Variants in MAML2 observed in about 807,000 individuals in gnomAD.
MAML2 encodes the protein mastermind-like protein 2.
MAML2 carries 22 observed loss-of-function variants against 96.1 expected under a neutral mutation model. The ratio of observed to expected loss-of-function variants is 0.23; its 90% CI spans 0.16 to 0.33. The LOEUF is 0.33. Among genes scored for constraint, MAML2 ranks in the 10% least tolerant of loss-of-function variants. The probability of loss-of-function intolerance (pLI) is 1.00; values close to 1 mark genes in which losing one functional copy is unlikely to be tolerated. For missense variants in MAML2, 1,367 were observed against 1,392.4 expected (o/e 0.98, Z 0.29); for synonymous variants, 561 against 521.3 (o/e 1.08, Z -1.04).
chr11:96,190,834 T>C (rs1861642261), intron 1 of MAML2, among the ~76,000 whole-genome samples: 1 of 152,216 alleles, frequency 6.6e-6, no homozygotes, highest in South Asian at 2.1e-4. Flanking sequence ...AAATTTTTAC[T>C]GAGGGCCTAT....
At chr11:96,323,081 T>C (rs1863728432) in intron 1 of MAML2, among the ~76,000 whole-genome samples, 1 of 150,552 alleles carries the variant, frequency 6.6e-6, no homozygotes, top group Admixed American at 6.6e-5. Context: ...ATCATTTATG[T>C]TCTAGCATGA....
At position 96,325,253 on chromosome 11, in the gene MAML2, C is replaced by G. The variant is rs141470823; in HGVS notation, c.513+16130G>C. On this transcript the variant is annotated intron_variant, in intron 1 of 4. Transcript: ENST00000524717. Reference sequence around the variant, plus strand: ...CAGCTTTGTGCCTCCTGCATAGGTCCAGGAGCCCCAGGGGTAGACTGATGC... The same window carrying G: ...CAGCTTTGTGCCTCCTGCATAGGTCGAGGAGCCCCAGGGGTAGACTGATGC... Among the ~76,000 whole-genome samples the G allele has an allele frequency of 5.6e-3, 848 of 152,218 alleles. 10 individuals are homozygous for G. The highest frequency in any genetic ancestry group is 0.02 in the African/African-American group (817 of 41,512).
intron 1 of MAML2, among the ~76,000 whole-genome samples, chr11:96,233,673 T>A (rs1386834417): frequency 6.6e-6 from 1 of 152,144 alleles, no homozygotes; most frequent in Non-Finnish European, 1.5e-5. Flanking sequence ...CCTCCTAAAG[T>A]GCTGGGATTA....
chr11:96,113,303 G>A (rs1388663156), intron 1 of MAML2, among the ~76,000 whole-genome samples: 1 of 152,040 alleles, frequency 6.6e-6, no homozygotes, highest in African/African-American at 2.4e-5. Context: ...TCACTGCCTT[G>A]CATTGTTTTA....
chr11:96,111,258 T>C (rs141139997), intron 1 of MAML2, among the ~76,000 whole-genome samples: 1 of 152,334 alleles, frequency 6.6e-6, no homozygotes, highest in East Asian at 1.9e-4. Flanking sequence ...TGATAGCTAG[T>C]GTCACAGGTG....
intron 1 of MAML2, among the ~76,000 whole-genome samples, chr11:96,156,273 G>GCCTCCT (rs978617181): frequency 6.6e-6 from 1 of 152,074 alleles, no homozygotes; most frequent in Non-Finnish European, 1.5e-5. Context: ...TGCCCAGGCA[G>GCCTCCT]CCTCCTCCTC....
Position 96,342,922 on chromosome 11 carries a change from T to G in MAML2, c.-1027A>C, listed in dbSNP as rs1864020337. The G allele has an allele frequency of 2.7e-6, 1 of 376,106 alleles. No homozygotes were observed. Among genetic ancestry groups the G allele is most frequent in the African/African-American group, 2.1e-5 (1 of 48,196 alleles). 23.3% of individuals were successfully genotyped at this position (376,106 alleles called of 1,614,324 possible). ...GTCAAACTTACAAACTTCCAGCAAA[T>G]TGCACCGAGTCATGTCCAGCCACTT... On this transcript the variant is annotated 5_prime_UTR_variant, in exon 1 of 5. Coordinates refer to ENST00000524717, the MANE Select transcript of MAML2 (RefSeq NM_032427.4).
At chr11:96,176,835 G>A (rs1861394807) in intron 1 of MAML2, among the ~76,000 whole-genome samples, 1 of 152,136 alleles carries the variant, frequency 6.6e-6, no homozygotes, top group Non-Finnish European at 1.5e-5. Flanking sequence ...CTTCAATGTA[G>A]TGATACCGAT....
chr11:96,268,058 G>C (rs948660034), intron 1 of MAML2, among the ~76,000 whole-genome samples: 6 of 152,224 alleles, frequency 3.9e-5, no homozygotes. Flanking sequence ...TTCAGAACCA[G>C]AAGGATGCCA....
chr11:96,263,806 A>C (rs1862784953), intron 1 of MAML2, among the ~76,000 whole-genome samples: 2 of 152,192 alleles, frequency 1.3e-5, no homozygotes, highest in Non-Finnish European at 2.9e-5. Context: ...AAGAGCAACC[A>C]AATTGGAGTC....
intron 1 of MAML2, among the ~76,000 whole-genome samples, chr11:96,150,920 A>C (rs965988431): frequency 1.1e-4 from 16 of 152,188 alleles, no homozygotes; most frequent in Non-Finnish European, 2.1e-4. Context: ...TCACCTGGGA[A>C]CTTCTTGGCA....
intron 1 of MAML2, among the ~76,000 whole-genome samples, chr11:96,232,820 C>A (rs1862315841): frequency 6.6e-6 from 1 of 152,150 alleles, no homozygotes; most frequent in Non-Finnish European, 1.5e-5. Flanking sequence ...ATATGGAGGC[C>A]AGAATGCTGG....
chr11:96,070,560 G>T (rs1212875042), intron 2 of MAML2, among the ~76,000 whole-genome samples: 2 of 152,244 alleles, frequency 1.3e-5, no homozygotes, highest in African/African-American at 4.8e-5. Context: ...CTGCAGCCTT[G>T]CAGAGAGCTG....
chr11:96,071,954 G>A lies in MAML2; in HGVS notation c.2139+19938C>T, dbSNP rs530982520. ...CTGCTGGATTGTTAGAGATGAGTCC[G>A]TCTTCAGTTATCTTGATTGTTGAGC... On this transcript the variant is annotated intron_variant, in intron 2 of 4. Coordinates refer to ENST00000524717, the MANE Select transcript of MAML2 (RefSeq NM_032427.4). Among the ~76,000 whole-genome samples, 11 of 152,304 alleles carry A rather than the reference G, an allele frequency of 7.2e-5. No individual in the cohort carries two copies. In the East Asian group the frequency reaches 9.6e-4, roughly 13 times the overall value.
In MAML2 at chr11:96,239,605, CA is replaced by C. The variant is rs1383168473; in HGVS notation, c.513+101777del. Among the ~76,000 whole-genome samples, 3 of 150,752 alleles carry C rather than the reference CA, an allele frequency of 2.0e-5. No individual in the cohort carries two copies. The East Asian group carries it at 5.8e-4, about 29-fold the overall frequency. On this transcript the variant is annotated intron_variant, in intron 1 of 4. Transcript: ENST00000524717. ...TTTTGAATTCAAAGTACAGGCGAAT[CA>C]AGAAAAAAAAAAGTAGAAAGAAACC...
rs1857690959 is a variant in MAML2 at position 95,979,085 on chromosome 11, T to G, written c.3334A>C (p.Ser1112Arg). 1 of 1,613,896 alleles carries G rather than the reference T, an allele frequency of 6.2e-7. No individual in the cohort carries two copies. The highest frequency in any genetic ancestry group is 1.3e-5 in the African/African-American group (1 of 74,938). ...HSSDLAFDFL[S>R]QQNDNMGPAL... ...GGGCCCATGTTATCATTTTGTTGGC[T>G]GAGGAAGTCAAAAGCTAAGTCACTG... The change falls in exon 5 of 5, where the codon AGC becomes CGC. Residue 1112 changes from serine (S) to arginine (R), a missense_variant. By Grantham distance (110) the Ser-to-Arg change is moderately radical (BLOSUM62 -1). Coordinates refer to ENST00000524717, the MANE Select transcript of MAML2 (RefSeq NM_032427.4).
intron 1 of MAML2, among the ~76,000 whole-genome samples, chr11:96,294,080 T>C (rs1283581197): frequency 1.3e-5 from 2 of 152,246 alleles, no homozygotes; most frequent in Non-Finnish European, 2.9e-5. Flanking sequence ...AGTTAGGTTT[T>C]ATTTTTAAAC....
At chr11:96,336,323 A>G (rs1186988713) in intron 1 of MAML2, among the ~76,000 whole-genome samples, 1 of 152,124 alleles carries the variant, frequency 6.6e-6, no homozygotes, top group Non-Finnish European at 1.5e-5. Flanking sequence ...CTCAGTAAAT[A>G]TTTGTTCCTC....
At chr11:96,139,411 A>T (rs1222668962) in intron 1 of MAML2, among the ~76,000 whole-genome samples, 1 of 151,050 alleles carries the variant, frequency 6.6e-6, no homozygotes, top group Non-Finnish European at 1.5e-5. Context: ...TGGGAGGCAG[A>T]GCTTGCACTG....
Sources: gnomAD v4.1 joint callset for allele counts (sites outside exome capture counted in the v4.1 genomes callset) on GRCh38, gnomAD v4.1.1 for gene constraint, MANE v1.5 for transcripts, NCBI Gene and HGNC (gene_info 2026-07-23, HGNC 2026-07-21) for gene names.